The following LRMDA variants were observed in gnomAD, a reference collection of about 807,000 sequenced individuals.
The protein encoded by LRMDA is leucine rich melanocyte differentiation associated, also known as leucine-rich melanocyte differentiation-associated protein.
LRMDA carries 18 observed loss-of-function variants against 29.8 expected under a neutral mutation model. That is an observed-to-expected ratio of 0.60 (90% CI 0.42 to 0.90). The LOEUF is 0.90. LRMDA is among the 40% of genes least tolerant of loss of function. The pLI is 0.00. For synonymous variants in LRMDA, 125 were observed against 109.4 expected, an observed-to-expected ratio of 1.14 and a Z score of -0.89; for missense variants, 273 against 273.9, an observed-to-expected ratio of 1.00 and a Z score of 0.02.
At chr10:76,373,520 A>G (rs929663289) in intron 6 of LRMDA, among the ~76,000 whole-genome samples, 1 of 152,124 alleles carries the variant, frequency 6.6e-6, no homozygotes, top group Non-Finnish European at 1.5e-5. Context: ...CTATAAAGGG[A>G]AAGTCATAGT....
intron 6 of LRMDA, among the ~76,000 whole-genome samples, chr10:76,546,239 C>T (rs930739016): frequency 6.6e-6 from 1 of 152,146 alleles, no homozygotes; most frequent in Non-Finnish European, 1.5e-5. Flanking sequence ...CTATTGTTTT[C>T]GATTTTTTGG....
intron 2 of LRMDA, among the ~76,000 whole-genome samples, chr10:75,850,642 T>C (rs1263446458): frequency 6.6e-6 from 1 of 152,112 alleles, no homozygotes; most frequent in Non-Finnish European, 1.5e-5. Context: ...TTAAAAAATA[T>C]TGGTTCATCT....
intron 2 of LRMDA, among the ~76,000 whole-genome samples, chr10:75,711,024 C>T (rs370548413): frequency 2.0e-5 from 3 of 152,218 alleles, no homozygotes; most frequent in African/African-American, 4.8e-5. Flanking sequence ...TTTGTGGAAG[C>T]GGTCTCACAG....
At chr10:76,400,788 T>C (rs1841839581) in intron 6 of LRMDA, among the ~76,000 whole-genome samples, 1 of 152,202 alleles carries the variant, frequency 6.6e-6, no homozygotes, top group Admixed American at 6.5e-5. Context: ...CATCGTTCTA[T>C]ACCTCAGGTT....
chr10:76,063,475 C>T (rs1333304637), intron 5 of LRMDA, among the ~76,000 whole-genome samples: 2 of 151,940 alleles, frequency 1.3e-5, no homozygotes, highest in African/African-American at 2.4e-5. Context: ...ATTTTCCCAT[C>T]GTGTAGTTTG....
chr10:76,270,075 G>C (rs957445200), intron 5 of LRMDA: 1 of 152,178 alleles, frequency 6.6e-6, no homozygotes, highest in African/African-American at 2.4e-5. Context: ...TGCACACCCT[G>C]TTCTGAACAC....
chr10:75,450,229 A>C (rs1844445503), intron 2 of LRMDA: 1 of 152,040 alleles, frequency 6.6e-6, no homozygotes, highest in African/African-American at 2.4e-5. Flanking sequence ...TTAGGGTTTT[A>C]AATGAGAGAG....
intron 2 of LRMDA, among the ~76,000 whole-genome samples, chr10:75,460,593 A>G (rs1247233705): frequency 6.7e-6 from 1 of 148,866 alleles, no homozygotes; most frequent in Non-Finnish European, 1.5e-5. Flanking sequence ...TTTTGATTAT[A>G]AGATAATATT....
At chr10:76,349,240 C>T (rs1183745458) in intron 6 of LRMDA, among the ~76,000 whole-genome samples, 1 of 152,122 alleles carries the variant, frequency 6.6e-6, no homozygotes, top group Non-Finnish European at 1.5e-5. Context: ...TTAGGCATTG[C>T]AGGTCAGTCT....
intron 6 of LRMDA, among the ~76,000 whole-genome samples, chr10:76,522,850 T>C (rs1467176621): frequency 2.6e-5 from 4 of 152,128 alleles, no homozygotes; most frequent in African/African-American, 9.7e-5. Flanking sequence ...GGCTCCCTTT[T>C]ATCCTTAGTT....
rs972049075 is a variant in LRMDA at position 76,007,091 on chromosome 10, T to G, written c.132-28917T>G. Among the ~76,000 whole-genome samples the G allele has an allele frequency of 2.6e-5, 4 of 152,086 alleles. No individual in the cohort carries two copies. In the East Asian group the frequency reaches 7.8e-4, roughly 30 times the overall value. Reference sequence around the variant, plus strand: ...TCTGCCCCCTGGGCCTGCAGTCTTCTGTAGCCGATGTAACAATCCTCCTGG... The same window carrying G: ...TCTGCCCCCTGGGCCTGCAGTCTTCGGTAGCCGATGTAACAATCCTCCTGG... On this transcript the variant is annotated intron_variant, in intron 2 of 6. Transcript: ENST00000611255.
chr10:76,473,702 A>G (rs1564551364), intron 6 of LRMDA, among the ~76,000 whole-genome samples: 1 of 151,710 alleles, frequency 6.6e-6, no homozygotes, highest in African/African-American at 2.4e-5. Context: ...ATGTAGAAAC[A>G]TCCATCGTAA....
chr10:75,797,530 T>C (rs771185623), intron 2 of LRMDA, among the ~76,000 whole-genome samples: 2 of 152,178 alleles, frequency 1.3e-5, no homozygotes, highest in Admixed American at 6.5e-5. Context: ...AAATCCCTTA[T>C]GTCCATTTGC....
intron 2 of LRMDA, among the ~76,000 whole-genome samples, chr10:75,596,628 TCA>T (rs1840792907): frequency 6.6e-6 from 1 of 152,318 alleles, no homozygotes; most frequent in South Asian, 2.1e-4. Flanking sequence ...CTAGTGATCA[TCA>T]GCTCAGGGTA....
intron 6 of LRMDA, among the ~76,000 whole-genome samples, chr10:76,457,662 A>G (rs1210791475): frequency 2.0e-5 from 3 of 152,194 alleles, no homozygotes; most frequent in Non-Finnish European, 4.4e-5. Flanking sequence ...TTATAGTGCT[A>G]TGGGCCATAA....
intron 2 of LRMDA, among the ~76,000 whole-genome samples, chr10:76,002,677 GAC>G (rs898734095): frequency 6.6e-6 from 1 of 152,222 alleles, no homozygotes; most frequent in African/African-American, 2.4e-5. Context: ...ACAACAAAGA[GAC>G]ACACACACAG....
chr10:76,178,115 T>C (rs1850974491), intron 5 of LRMDA, among the ~76,000 whole-genome samples: 1 of 152,254 alleles, frequency 6.6e-6, no homozygotes, highest in Admixed American at 6.5e-5. Flanking sequence ...AATGTCAGTC[T>C]GCTCACCAGG....
intron 2 of LRMDA, among the ~76,000 whole-genome samples, chr10:75,538,924 G>C (rs1002953376): frequency 1.3e-5 from 2 of 152,210 alleles, no homozygotes; most frequent in Non-Finnish European, 2.9e-5. Context: ...TCTTGGAATA[G>C]AGTGGTACAG....
chr10:75,922,034 G>A (rs1200428671), intron 2 of LRMDA, among the ~76,000 whole-genome samples: 2 of 152,120 alleles, frequency 1.3e-5, no homozygotes, highest in Non-Finnish European at 1.5e-5. Context: ...CCACTATAGT[G>A]AGTTAGAAGA....
Sources: gnomAD v4.1 joint callset for allele counts (sites outside exome capture counted in the v4.1 genomes callset) on GRCh38, gnomAD v4.1.1 for gene constraint, MANE v1.5 for transcripts, NCBI Gene and HGNC (gene_info 2026-07-23, HGNC 2026-07-21) for gene names.